The following NUS1 variants were observed in gnomAD, a reference collection of about 807,000 sequenced individuals.
The protein encoded by NUS1 is dehydrodolichyl diphosphate synthase complex subunit NUS1.
For missense variants in NUS1, 292 were observed against 382.9 expected (o/e 0.76, Z 1.98); for synonymous variants, 135 against 155.2 (o/e 0.87, Z 0.97).
rs954628510 is a variant in NUS1 at position 117,708,686 on chromosome 6, G to C, written c.*1671G>C. On this transcript the variant is annotated 3_prime_UTR_variant, in exon 5 of 5. Coordinates refer to ENST00000368494, the MANE Select transcript of NUS1 (RefSeq NM_138459.5). ...TTTATTACTGAGAGTTTTGTGTGAAGCTACAGCATATCTAACCAGAGAATT... is the reference window on the plus strand; with the variant it reads ...TTTATTACTGAGAGTTTTGTGTGAACCTACAGCATATCTAACCAGAGAATT... The C allele has an allele frequency of 6.6e-6, 1 of 152,158 alleles. No individual in the cohort carries two copies. Among genetic ancestry groups the C allele is most frequent in the Non-Finnish European group, 1.5e-5 (1 of 67,914 alleles). The allele number at this position is 152,158 out of a possible 1,614,324, so 9.4% of individuals were successfully genotyped here.
chr6:117,682,707 C>T (rs12528198), intron 1 of NUS1, among the ~76,000 whole-genome samples: 8,005 of 152,240 alleles, frequency 0.053, 496 homozygotes, highest in East Asian at 0.27. Context: ...AGCAGTTTTA[C>T]AGATAAACTG....
intron 1 of NUS1, among the ~76,000 whole-genome samples, chr6:117,687,008 C>G (rs1773150908): frequency 1.3e-5 from 2 of 151,614 alleles, no homozygotes; most frequent in Non-Finnish European, 1.5e-5. Flanking sequence ...ATCATCTTGC[C>G]CATAGTGTCT....
At chr6:117,676,339 G>A (rs1201838854) in intron 1 of NUS1, among the ~76,000 whole-genome samples, 1 of 152,244 alleles carries the variant, frequency 6.6e-6, no homozygotes, top group Admixed American at 6.5e-5. Flanking sequence ...AGCACTTTGG[G>A]AGGCCGAGGC....
chr6:117,692,768 A>G (rs1287150414), intron 1 of NUS1, among the ~76,000 whole-genome samples: 1 of 152,118 alleles, frequency 6.6e-6, no homozygotes, highest in Non-Finnish European at 1.5e-5. Flanking sequence ...TAAGTAAGTG[A>G]TCTCTTAAAA....
At position 117,707,187 on chromosome 6, in the gene NUS1, G is replaced by A; in HGVS notation, c.*172G>A. On this transcript the variant is annotated 3_prime_UTR_variant, in exon 5 of 5. Coordinates refer to ENST00000368494, the MANE Select transcript of NUS1 (RefSeq NM_138459.5). ...TGAGAGTGAGTGTGTGTGTGTGCGT[G>A]TGCACGTGCACACATGTGCACGTTT... 1 of 595,186 alleles carries A rather than the reference G, an allele frequency of 1.7e-6. No homozygotes were observed. The highest frequency in any genetic ancestry group is 3.0e-5 in the East Asian group (1 of 33,404). 36.9% of individuals were successfully genotyped at this position (595,186 alleles called of 1,614,324 possible).
intron 3 of NUS1, among the ~76,000 whole-genome samples, chr6:117,702,049 T>TC (rs1051145043): frequency 6.6e-6 from 1 of 152,174 alleles, no homozygotes; most frequent in African/African-American, 2.4e-5. Context: ...TCCTGCCCTG[T>TC]CCCCTACCCT....
chr6:117,687,683 G>T (rs1315582746), intron 1 of NUS1, among the ~76,000 whole-genome samples: 1 of 152,206 alleles, frequency 6.6e-6, no homozygotes, highest in African/African-American at 2.4e-5. Context: ...ATTCTAATTT[G>T]TGGGGATAAA....
intron 2 of NUS1, among the ~76,000 whole-genome samples, chr6:117,693,560 C>A (rs1384592581): frequency 6.6e-6 from 1 of 152,142 alleles, no homozygotes; most frequent in African/African-American, 2.4e-5. Context: ...AGAATCCCAT[C>A]AATTGTAAGA....
chr6:117,678,761 A>C (rs1582463276), intron 1 of NUS1, among the ~76,000 whole-genome samples: 1 of 145,756 alleles, frequency 6.9e-6, no homozygotes, highest in Non-Finnish European at 1.5e-5. Flanking sequence ...GCTCACTGCA[A>C]CCTCCGTCTC....
chr6:117,684,838 AGTT>A (rs2114680868), intron 1 of NUS1, among the ~76,000 whole-genome samples: 1 of 152,364 alleles, frequency 6.6e-6, no homozygotes, highest in African/African-American at 2.4e-5. Context: ...TGTTTAATAC[AGTT>A]GTTAAAATAA....
At chr6:117,692,763 A>G (rs1352277697) in intron 1 of NUS1, among the ~76,000 whole-genome samples, 2 of 152,256 alleles carry the variant, frequency 1.3e-5, no homozygotes, top group East Asian at 3.9e-4. Context: ...GATTTTAAGT[A>G]AGTGATCTCT....
chr6:117,702,342 CT>C (rs1481209475), intron 3 of NUS1, among the ~76,000 whole-genome samples: 1 of 152,202 alleles, frequency 6.6e-6, no homozygotes, highest in Non-Finnish European at 1.5e-5. Context: ...AGCAAATCAT[CT>C]AATTTTTGCT....
rs1437517414 is a variant in NUS1 at position 117,707,999 on chromosome 6, A to G, written c.*984A>G. 6.6e-6 allele frequency: 1 copy of G among 152,052 alleles called. No homozygotes were observed. The highest frequency in any genetic ancestry group is 1.5e-5 in the Non-Finnish European group (1 of 67,964). The allele number at this position is 152,052 out of a possible 1,614,324, so 9.4% of individuals were successfully genotyped here. A position where few individuals can be genotyped will look rare whatever the true frequency, so the allele number is the denominator to read the frequency against. On this transcript the variant is annotated 3_prime_UTR_variant, in exon 5 of 5. Transcript: ENST00000368494. Reference sequence around the variant, plus strand: ...CCATCAACCATTTTTATTTAAAATAAACATTTGAGGGAAGTTACCAAGGCA... The same window carrying G: ...CCATCAACCATTTTTATTTAAAATAGACATTTGAGGGAAGTTACCAAGGCA...
intron 1 of NUS1, among the ~76,000 whole-genome samples, chr6:117,677,340 G>A (rs2114676007): frequency 6.6e-6 from 1 of 152,268 alleles, no homozygotes; most frequent in Non-Finnish European, 1.5e-5. Context: ...CAGTGGAGGT[G>A]GGATTTAAGC....
intron 1 of NUS1, among the ~76,000 whole-genome samples, chr6:117,676,942 T>C (rs1045748205): frequency 2.6e-5 from 4 of 152,154 alleles, no homozygotes; most frequent in African/African-American, 9.7e-5. Context: ...ATGAAAAATA[T>C]GTGAGAGATT....
rs1226171399 is a variant in NUS1, at chr6:117,693,153, A to T, written c.527A>T (p.Asp176Val). Residue 176 changes from aspartate (D) to valine (V), a missense_variant, in exon 2 of 5, where the codon GAC becomes GTC. Asp to Val is a radical substitution (Grantham distance 152, BLOSUM62 -3). Transcript: ENST00000368494. The stretch of plus-strand genomic sequence containing the variant: ...TCACCAGAATTTGCAAATAGTAATG[A>T]CAAAGATGATCAAGGTAAGCATGAG... ...KYSPEFANSN[D>V]KDDQVLNCHL... The T allele has an allele frequency of 6.2e-7, 1 of 1,612,798 alleles. No individual in the cohort carries two copies.
At chr6:117,692,247 A>G (rs1773233048) in intron 1 of NUS1, among the ~76,000 whole-genome samples, 1 of 152,160 alleles carries the variant, frequency 6.6e-6, no homozygotes, top group African/African-American at 2.4e-5. Context: ...AAACTACTTT[A>G]AAGTCATGCC....
At chr6:117,677,906 G>A (rs142215893) in intron 1 of NUS1, among the ~76,000 whole-genome samples, 5 of 152,320 alleles carry the variant, frequency 3.3e-5, no homozygotes, top group Non-Finnish European at 5.9e-5. Flanking sequence ...ATTAAGCAAC[G>A]TGGTGGATTG....
At chr6:117,685,709 G>A (rs1246737080) in intron 1 of NUS1, among the ~76,000 whole-genome samples, 2 of 152,040 alleles carry the variant, frequency 1.3e-5, no homozygotes, top group Non-Finnish European at 2.9e-5. Flanking sequence ...TTGAGAGTAC[G>A]TGAAATATAA....
Sources: gnomAD v4.1 joint callset for allele counts (sites outside exome capture counted in the v4.1 genomes callset) on GRCh38, gnomAD v4.1.1 for gene constraint, MANE v1.5 for transcripts, NCBI Gene and HGNC (gene_info 2026-07-23, HGNC 2026-07-21) for gene names.